Variants in SYNPR observed in about 807,000 individuals in gnomAD.
SYNPR encodes the protein synaptoporin.
SYNPR carries 23 observed loss-of-function variants against 32.9 expected under a neutral mutation model. The ratio of observed to expected loss-of-function variants is 0.70; its 90% CI spans 0.50 to 0.99. The LOEUF (loss-of-function observed/expected upper bound fraction) is 0.99, where lower values mean the gene tolerates loss of function less well. Among genes scored for constraint, SYNPR ranks in the 50% least tolerant of loss-of-function variants. The pLI, the probability that SYNPR is intolerant of heterozygous loss-of-function variation, is 0.00. For synonymous variants in SYNPR, 146 were observed against 135.9 expected (o/e 1.07, Z -0.52); for missense variants, 318 against 349.3 (o/e 0.91, Z 0.71).
At chr3:63,507,422 A>T (rs2106747458) in intron 3 of SYNPR, among the ~76,000 whole-genome samples, 1 of 152,328 alleles carries the variant, frequency 6.6e-6, no homozygotes, top group Middle Eastern at 3.4e-3. Flanking sequence ...TCTGTGAAGT[A>T]ACAGACAATC....
chr3:63,313,210 C>G (rs2086987059), intron 2 of SYNPR, among the ~76,000 whole-genome samples: 1 of 151,790 alleles, frequency 6.6e-6, no homozygotes, highest in Admixed American at 6.6e-5. Flanking sequence ...AAAGGTTGAT[C>G]TGATTTTTTT....
intron 3 of SYNPR, among the ~76,000 whole-genome samples, chr3:63,546,852 A>G (rs1702413705): frequency 6.6e-6 from 1 of 152,190 alleles, no homozygotes; most frequent in South Asian, 2.1e-4. Context: ...CTTTTTAAAG[A>G]AAATATTTTT....
At chr3:63,566,652 CT>C (rs1702793380) in intron 4 of SYNPR, among the ~76,000 whole-genome samples, 1 of 152,122 alleles carries the variant, frequency 6.6e-6, no homozygotes, top group Non-Finnish European at 1.5e-5. Context: ...CTCAGACTGC[CT>C]GGGCCCAAAT....
chr3:63,506,743 T>A lies in SYNPR; in HGVS notation c.209+25787T>A, dbSNP rs193089187. On this transcript the variant is annotated intron_variant, in intron 3 of 5. Transcript: ENST00000478300. Reference sequence around the variant, plus strand: ...AAATGCGGAGTTAGACATTAACAAATTTTCTCATTTTAACTGCAAAAGAGG... The same window carrying A: ...AAATGCGGAGTTAGACATTAACAAAATTTCTCATTTTAACTGCAAAAGAGG... Among the ~76,000 whole-genome samples the A allele has an allele frequency of 1.2e-3, 188 of 152,300 alleles. 2 individuals carry two copies. The highest frequency in any genetic ancestry group is 2.7e-3 in the Admixed American group (42 of 15,294).
intron 3 of SYNPR, among the ~76,000 whole-genome samples, chr3:63,552,739 T>C (rs1260723474): frequency 6.6e-6 from 1 of 152,178 alleles, no homozygotes; most frequent in Non-Finnish European, 1.5e-5. Flanking sequence ...GTCCTTATTA[T>C]TTAACATAAA....
rs138215012 is a variant in SYNPR at position 63,464,331 on chromosome 3, C to T, written c.85-16501C>T. 2.0e-3 allele frequency among the ~76,000 whole-genome samples: 307 copies of T among 152,230 alleles called. 1 individual carries two copies. Among genetic ancestry groups the T allele is most frequent in the African/African-American group, 6.9e-3 (288 of 41,556 alleles). ...ACTGTATGGGGGTTGCAGAGATGAA[C>T]AAAGGATGGTCCCTGCCTCAAAGGG... On this transcript the variant is annotated intron_variant, in intron 2 of 5. Transcript: ENST00000478300.
chr3:63,348,926 A>G (rs1560200716), intron 2 of SYNPR, among the ~76,000 whole-genome samples: 1 of 152,042 alleles, frequency 6.6e-6, no homozygotes, highest in African/African-American at 2.4e-5. Context: ...ATTGTAGTAT[A>G]ATTTGAGGTC....
chr3:63,387,951 T>A (rs373966071), intron 2 of SYNPR, among the ~76,000 whole-genome samples: 1 of 151,976 alleles, frequency 6.6e-6, no homozygotes, highest in African/African-American at 2.4e-5. Flanking sequence ...GATCAACACC[T>A]GGGGAGGGCA....
intron 4 of SYNPR, among the ~76,000 whole-genome samples, chr3:63,585,265 C>A (rs918356867): frequency 6.6e-6 from 1 of 151,992 alleles, no homozygotes; most frequent in African/African-American, 2.4e-5. Flanking sequence ...ACTATTTATG[C>A]CTAGGCAGAG....
At chr3:63,413,592 T>C (rs763045022) in intron 2 of SYNPR, among the ~76,000 whole-genome samples, 8 of 152,288 alleles carry the variant, frequency 5.3e-5, no homozygotes, top group Non-Finnish European at 8.8e-5. Flanking sequence ...TTAGAACAAA[T>C]AGAGCCTCAA....
At chr3:63,465,472 A>AT (rs1485754778) in intron 2 of SYNPR, among the ~76,000 whole-genome samples, 1 of 152,106 alleles carries the variant, frequency 6.6e-6, no homozygotes, top group African/African-American at 2.4e-5. Flanking sequence ...AAACTATTGG[A>AT]TTTTGTCTAT....
chr3:63,313,280 G>A (rs1317726386), intron 2 of SYNPR, among the ~76,000 whole-genome samples: 1 of 151,690 alleles, frequency 6.6e-6, no homozygotes, highest in African/African-American at 2.4e-5. Context: ...AGTAAGTTCT[G>A]TAGTGGTGAT....
intron 1 of SYNPR, among the ~76,000 whole-genome samples, chr3:63,248,524 A>G (rs1275396422): frequency 1.3e-5 from 2 of 152,168 alleles, no homozygotes; most frequent in African/African-American, 4.8e-5. Context: ...GAGAAATCAG[A>G]TATTTTAGAT....
intron 4 of SYNPR, among the ~76,000 whole-genome samples, chr3:63,586,868 G>A (rs938874823): frequency 2.0e-5 from 3 of 151,854 alleles, no homozygotes; most frequent in South Asian, 2.1e-4. Flanking sequence ...ATTCTCCTAC[G>A]CAAAACTTCA....
At chr3:63,409,601 A>G (rs148328155) in intron 2 of SYNPR, among the ~76,000 whole-genome samples, 3 of 152,278 alleles carry the variant, frequency 2.0e-5, no homozygotes, top group African/African-American at 7.2e-5. Flanking sequence ...TTATATCATA[A>G]TGCTCCTTAT....
intron 2 of SYNPR, among the ~76,000 whole-genome samples, chr3:63,320,228 G>T (rs1277141934): frequency 1.3e-5 from 2 of 152,008 alleles, no homozygotes; most frequent in African/African-American, 4.8e-5. Flanking sequence ...TAGGATTATA[G>T]GTATGAGCCA....
chr3:63,538,005 C>T (rs536091821), intron 3 of SYNPR, among the ~76,000 whole-genome samples: 62 of 152,160 alleles, frequency 4.1e-4, no homozygotes, highest in Middle Eastern at 3.4e-3. Flanking sequence ...GGACATACAG[C>T]CTCTGGTGGA....
intron 2 of SYNPR, among the ~76,000 whole-genome samples, chr3:63,377,641 C>G (rs1261808039): frequency 6.6e-6 from 1 of 151,496 alleles, no homozygotes; most frequent in Admixed American, 6.6e-5. Flanking sequence ...TTTTTTAAAC[C>G]CTGCTTCATG....
chr3:63,315,673 A>G (rs1317067681), intron 2 of SYNPR, among the ~76,000 whole-genome samples: 1 of 151,924 alleles, frequency 6.6e-6, no homozygotes, highest in East Asian at 1.9e-4. Context: ...AAACAATCAT[A>G]TCATCAGCAA....
Sources: allele counts gnomAD v4.1 joint callset (sites outside exome capture counted in the v4.1 genomes callset), GRCh38; gene constraint gnomAD v4.1.1; transcripts MANE v1.5; gene names NCBI Gene and HGNC (gene_info 2026-07-23, HGNC 2026-07-21).